CNKSR2: variants seen among roughly 807,000 people sequenced by gnomAD.
CNKSR2 encodes the protein connector enhancer of kinase suppressor of Ras 2.
Under a neutral mutation model 84.4 loss-of-function variants are expected in CNKSR2, and 14 were observed. That is an observed-to-expected ratio of 0.17 (90% CI 0.11 to 0.26). CNKSR2 has a LOEUF of 0.26. Ranked by LOEUF, CNKSR2 falls within the 10% of genes least tolerant of loss-of-function variation. The pLI is 1.00. For synonymous variants in CNKSR2, 275 were observed against 277.9 expected (o/e 0.99, Z 0.10); for missense variants, 485 against 771.2 (o/e 0.63, Z 4.40).
At chrX:21,393,042 A>T (rs1251878613) in intron 1 of CNKSR2, among the ~76,000 whole-genome samples, 1 of 112,283 alleles carries the variant, frequency 8.9e-6, no homozygotes, top group Non-Finnish European at 1.9e-5. Flanking sequence ...TTAATGCATT[A>T]ACCTGATACT....
rs1344333303 is a variant in CNKSR2 at position 21,653,100 on chromosome X, T to C, written c.*579T>C. ...AAAGTTCAGGTATCTAATATTCGTCTTAATAGTCTATTAACTTGTGAAAGC... is the reference window on the plus strand; with the variant it reads ...AAAGTTCAGGTATCTAATATTCGTCCTAATAGTCTATTAACTTGTGAAAGC... On this transcript the variant is annotated 3_prime_UTR_variant, in exon 22 of 22. Coordinates refer to ENST00000379510, the MANE Select transcript of CNKSR2 (RefSeq NM_014927.5). 2.7e-5 allele frequency: 3 copies of C among 112,166 alleles called. No individual in the cohort carries two copies. Among genetic ancestry groups the C allele is most frequent in the Non-Finnish European group, 3.8e-5 (2 of 53,190 alleles). The allele number at this position is 112,166 out of a possible 1,213,427, so 9.2% of individuals were successfully genotyped here.
At chrX:21,473,740 G>T (rs866253724) in intron 5 of CNKSR2, among the ~76,000 whole-genome samples, 2 of 79,631 alleles carry the variant, frequency 2.5e-5, no homozygotes, top group Non-Finnish European at 4.3e-5. Context: ...GTTGTTGTTG[G>T]TTTGGTTTTT....
At chrX:21,593,482 G>A (rs761553228) in intron 15 of CNKSR2, 2 of 111,533 alleles carry the variant, frequency 1.8e-5, no homozygotes, top group South Asian at 7.5e-4. Flanking sequence ...TGATATATAA[G>A]GAGCTATGGA....
At chrX:21,548,174 C>G (rs1189798492) in intron 11 of CNKSR2, among the ~76,000 whole-genome samples, 1 of 110,983 alleles carries the variant, frequency 9.0e-6, no homozygotes, top group African/African-American at 3.3e-5. Flanking sequence ...AAACCACTAG[C>G]CAGACTAATA....
chrX:21,610,900 ATAT>A (rs2092547114), intron 20 of CNKSR2, among the ~76,000 whole-genome samples: 2 of 111,190 alleles, frequency 1.8e-5, no homozygotes, highest in Non-Finnish European at 3.8e-5. Context: ...GCATTATTTA[ATAT>A]TATCTCATCT....
At chrX:21,569,463 A>G (rs1198892200) in intron 13 of CNKSR2, among the ~76,000 whole-genome samples, 1 of 111,896 alleles carries the variant, frequency 8.9e-6, no homozygotes, top group Admixed American at 9.5e-5. Context: ...TCTACTTCCA[A>G]TTCTAGTTCT....
At chrX:21,621,035 A>G (rs866883572) in intron 20 of CNKSR2, among the ~76,000 whole-genome samples, 5 of 111,268 alleles carry the variant, frequency 4.5e-5, no homozygotes, top group South Asian at 3.8e-4. Flanking sequence ...TGCCTTGCAC[A>G]TTGTATATAT....
At chrX:21,444,545 G>A (rs2090826637) in intron 4 of CNKSR2, among the ~76,000 whole-genome samples, 1 of 109,577 alleles carries the variant, frequency 9.1e-6, no homozygotes, top group Non-Finnish European at 1.9e-5. Flanking sequence ...ATTATTGTTG[G>A]GCTGTTGTGA....
At chrX:21,517,371 A>G (rs976376794) in intron 9 of CNKSR2, among the ~76,000 whole-genome samples, 3 of 109,072 alleles carry the variant, frequency 2.8e-5, no homozygotes, top group Non-Finnish European at 3.8e-5. Context: ...GGCAACAGAG[A>G]CTCCATCTCT....
At chrX:21,534,982 G>A (rs1267868178) in intron 11 of CNKSR2, among the ~76,000 whole-genome samples, 2 of 110,397 alleles carry the variant, frequency 1.8e-5, no homozygotes, top group Non-Finnish European at 1.9e-5. Context: ...TATTTCCCCT[G>A]TGTATTCTTC....
At chrX:21,551,316 TAACA>T (rs2147165760) in intron 11 of CNKSR2, among the ~76,000 whole-genome samples, 1 of 112,044 alleles carries the variant, frequency 8.9e-6, no homozygotes, top group East Asian at 2.8e-4. Flanking sequence ...CATACCTATG[TAACA>T]AACCTGTGCA....
intron 20 of CNKSR2, among the ~76,000 whole-genome samples, chrX:21,617,151 CTGTTATCTGCTAT>C (rs1445296674): frequency 1.8e-5 from 2 of 111,240 alleles, no homozygotes; most frequent in Non-Finnish European, 3.8e-5. Context: ...TTCAGCCACA[CTGTTATCTGCTAT>C]TATTTTCACA....
At chrX:21,436,944 T>G (rs1374831869) in intron 3 of CNKSR2, among the ~76,000 whole-genome samples, 1 of 111,719 alleles carries the variant, frequency 9.0e-6, no homozygotes, top group African/African-American at 3.3e-5. Context: ...GTTAGTACAG[T>G]TGTATATGAT....
At chrX:21,555,417 G>A (rs1490666939) in intron 11 of CNKSR2, among the ~76,000 whole-genome samples, 10 of 111,259 alleles carry the variant, frequency 9.0e-5, no homozygotes, top group East Asian at 8.4e-4. Context: ...AGATCAGATC[G>A]TTCATTCTTA....
At chrX:21,481,155 A>G (rs183317794) in intron 5 of CNKSR2, among the ~76,000 whole-genome samples, 4 of 112,065 alleles carry the variant, frequency 3.6e-5, no homozygotes, top group East Asian at 5.6e-4. Context: ...TAAGCTTTCA[A>G]TAAATATCAG....
chrX:21,524,080 A>G (rs1433535181), intron 9 of CNKSR2, among the ~76,000 whole-genome samples: 1 of 110,647 alleles, frequency 9.0e-6, no homozygotes, highest in Non-Finnish European at 1.9e-5. Flanking sequence ...AACGTTTATT[A>G]TTTAGCTTGG....
chrX:21,551,619 A>T (rs2092093368), intron 11 of CNKSR2, among the ~76,000 whole-genome samples: 1 of 111,950 alleles, frequency 8.9e-6, no homozygotes, highest in African/African-American at 3.3e-5. Context: ...CCCAGGGGAC[A>T]TTTGGTAATT....
chrX:21,482,191 T>G (rs1301597321), intron 5 of CNKSR2, among the ~76,000 whole-genome samples: 1 of 112,436 alleles, frequency 8.9e-6, no homozygotes, highest in African/African-American at 3.2e-5. Flanking sequence ...AGAGAATAAA[T>G]ACGAGAACAA....
At chrX:21,410,999 G>T (rs2090337873) in intron 1 of CNKSR2, among the ~76,000 whole-genome samples, 1 of 110,653 alleles carries the variant, frequency 9.0e-6, no homozygotes, top group African/African-American at 3.3e-5. Context: ...ATAGTAGATG[G>T]TGCCCTTTGT....
Sources: allele counts gnomAD v4.1 joint callset (sites outside exome capture counted in the v4.1 genomes callset), GRCh38; gene constraint gnomAD v4.1.1; transcripts MANE v1.5; gene names NCBI Gene and HGNC (gene_info 2026-07-23, HGNC 2026-07-21).